The following FRYL variants were observed in gnomAD, a reference collection of about 807,000 sequenced individuals.
The protein encoded by FRYL is FRY like transcription coactivator, also known as protein furry homolog-like.
In FRYL, 150 loss-of-function variants were observed where a neutral mutation model predicts 351.2. The observed-to-expected ratio is 0.43, with a 90% confidence interval of 0.37 to 0.49. FRYL has a LOEUF of 0.49. Ranked by LOEUF, FRYL falls within the 20% of genes least tolerant of loss-of-function variation. The pLI is 0.00. For missense variants in FRYL, 3,036 were observed against 3,619.3 expected (o/e 0.84, Z 4.13); for synonymous variants, 1,153 against 1,257.1 (o/e 0.92, Z 1.75).
At chr4:48,774,706 C>T (rs1208755938) in intron 1 of FRYL, among the ~76,000 whole-genome samples, 12 of 152,014 alleles carry the variant, frequency 7.9e-5, no homozygotes, top group South Asian at 4.1e-4. Context: ...CCACCACACC[C>T]GGCTAATTTT....
At chr4:48,670,237 C>T (rs1204927094) in intron 3 of FRYL, among the ~76,000 whole-genome samples, 2 of 151,870 alleles carry the variant, frequency 1.3e-5, no homozygotes, top group African/African-American at 2.4e-5. Flanking sequence ...AGTTTGAGAT[C>T]AGTCTGGCCA....
At chr4:48,580,520 G>A (rs1286418919) in intron 22 of FRYL, 2 of 237,318 alleles carry the variant, frequency 8.4e-6, no homozygotes, top group Non-Finnish European at 1.6e-5. Flanking sequence ...TTTTTTTCCC[G>A]TAGCATTTTC....
At chr4:48,534,945 CTTTATTA>C (rs901384330) in intron 48 of FRYL, among the ~76,000 whole-genome samples, 7 of 152,216 alleles carry the variant, frequency 4.6e-5, no homozygotes, top group Admixed American at 3.9e-4. Context: ...GTAGGTATTA[CTTTATTA>C]TAAACTGACA....
At chr4:48,526,569 G>C (rs1726277332) in intron 53 of FRYL, among the ~76,000 whole-genome samples, 1 of 152,156 alleles carries the variant, frequency 6.6e-6, no homozygotes, top group South Asian at 2.1e-4. Flanking sequence ...TTCAAACACT[G>C]CTGTGTGTGG....
At chr4:48,674,373 G>T (rs886358099) in intron 3 of FRYL, among the ~76,000 whole-genome samples, 1 of 152,038 alleles carries the variant, frequency 6.6e-6, no homozygotes. Context: ...CAAAAAAACA[G>T]TCTAAGGATA....
chr4:48,628,283 A>G (rs138092064), intron 4 of FRYL, among the ~76,000 whole-genome samples: 103 of 152,322 alleles, frequency 6.8e-4, no homozygotes, highest in Non-Finnish European at 1.1e-3. Flanking sequence ...AGACTGATTT[A>G]AAACTATATA....
chr4:48,749,805 T>C (rs1057264831), intron 1 of FRYL, among the ~76,000 whole-genome samples: 2 of 152,088 alleles, frequency 1.3e-5, no homozygotes, highest in Non-Finnish European at 2.9e-5. Flanking sequence ...ATGTGGTCTG[T>C]GGCAATCCAA....
At chr4:48,653,810 CAGCAGCAGCAGCAGCAGCAGCAGA>C in intron 3 of FRYL, 2 of 302,108 alleles carry the variant, frequency 6.6e-6, no homozygotes, top group African/African-American at 9.8e-5. Flanking sequence ...GCTGCAAAAG[CAGCAGCAGCAGCAGCAGCAGCAGA>C]AGCAGAAGCA....
intron 7 of FRYL, among the ~76,000 whole-genome samples, chr4:48,614,605 T>C (rs1182298857): frequency 1.3e-5 from 2 of 149,094 alleles, no homozygotes; most frequent in African/African-American, 4.9e-5. Flanking sequence ...ACCTGTAATC[T>C]CAGCTTCTCG....
chr4:48,659,424 A>AGAAGAG lies in FRYL; in HGVS notation c.-80-24940_-80-24935dup, dbSNP rs1248046193. On this transcript the variant is annotated intron_variant, in intron 3 of 63. Coordinates refer to ENST00000358350, the MANE Select transcript of FRYL (RefSeq NM_015030.2). ...GAGAAGGAGAAGGAGAAGGAGAAGGAGAAGAGGAAGAGGAAGAGGAAGAGG... is the reference window on the plus strand; with the variant it reads ...GAGAAGGAGAAGGAGAAGGAGAAGGAGAAGAGGAAGAGGAAGAGGAAGAGGAAGAGG... 6.8e-4 allele frequency among the ~76,000 whole-genome samples: 2 copies of AGAAGAG among 2,938 alleles called. 1 individual carries two copies. The highest frequency in any genetic ancestry group is 7.1e-4 in the African/African-American group (2 of 2,816). The allele number at this position is 2,938 out of a possible 152,430, so 1.9% of individuals were successfully genotyped here.
chr4:48,671,867 A>ACAAAG (rs1762781102), intron 3 of FRYL, among the ~76,000 whole-genome samples: 3 of 126,930 alleles, frequency 2.4e-5, no homozygotes, highest in Non-Finnish European at 5.0e-5. Context: ...ACAAAAAAAA[A>ACAAAG]AAAAACAAAA....
intron 7 of FRYL, among the ~76,000 whole-genome samples, chr4:48,616,924 C>T (rs1333152621): frequency 6.6e-6 from 1 of 152,110 alleles, no homozygotes; most frequent in South Asian, 2.1e-4. Context: ...GTTATTCTGA[C>T]AGAAGAAAAT....
intron 53 of FRYL, 66 bp from the exon 54 acceptor site, chr4:48,523,170 T>C: frequency 1.8e-6 from 2 of 1,083,210 alleles, no homozygotes; most frequent in East Asian, 2.4e-5. Flanking sequence ...AAATGTAATA[T>C]ACCAGAAAAA....
Position 48,595,970 on chromosome 4 carries a change from G to C in FRYL, c.1066C>G (p.Leu356Val). The stretch of plus-strand genomic sequence containing the variant: ...CACAATAATCTATACAAAGATTCCA[G>C]TGCAACTCGAGACATTTTCGGATCT... Reference protein sequence around the residue: ...NKDPKMSRVALESLYRLLWVY... With the variant: ...NKDPKMSRVAVESLYRLLWVY... Residue 356 changes from leucine to valine, a missense_variant, in exon 14 of 64, where the codon CTG (leucine) becomes GTG (valine). Physicochemically the swap from Leu to Val is conservative, Grantham distance 32. This residue lies in a region of FRYL where 457 missense variants were observed against 566.6 expected (regional missense o/e 0.81). Transcript: ENST00000358350. 2.5e-6 allele frequency: 4 copies of C among 1,601,822 alleles called. No homozygotes were observed. Among genetic ancestry groups the C allele is most frequent in the Non-Finnish European group, 3.4e-6 (4 of 1,175,896 alleles).
rs1261696206 is a variant in FRYL, at chr4:48,501,737, GAAAT to G, written c.8482-8_8482-5del. 4 of 1,494,776 alleles carry G rather than the reference GAAAT, an allele frequency of 2.7e-6. No homozygotes were observed. The highest frequency in any genetic ancestry group is 1.7e-5 in the Admixed American group (1 of 58,418). 92.6% of individuals were successfully genotyped at this position (1,494,776 alleles called of 1,614,324 possible). On this transcript the variant is annotated splice_polypyrimidine_tract_variant and splice_region_variant and intron_variant, in intron 61 of 63. Transcript: ENST00000358350. ...ATCTTCGGCAGAGCTCCAATTCCTAGAAATAAATAACATTACATTAAATTTAGGT... is the reference window on the plus strand; with the variant it reads ...ATCTTCGGCAGAGCTCCAATTCCTAGAAATAACATTACATTAAATTTAGGT...
chr4:48,684,146 A>C (rs1198357795), intron 3 of FRYL, among the ~76,000 whole-genome samples: 1 of 152,190 alleles, frequency 6.6e-6, no homozygotes, highest in Non-Finnish European at 1.5e-5. Flanking sequence ...TTTTTCTCTG[A>C]TTTCCTTCAT....
At position 48,499,487 on chromosome 4, in the gene FRYL, C is replaced by T. The variant is rs758090129; in HGVS notation, c.8977G>A (p.Val2993Met). ...NLEIRESLRM[V>M]QSYQLLAQAK... The stretch of plus-strand genomic sequence containing the variant: ...TGTGCTAGAAGTTGGTATGATTGCA[C>T]CATGCGTAGAGACTCTCTTATTTCC... Residue 2993 changes from valine to methionine, a missense_variant, in exon 64 of 64, where the codon GTG becomes ATG. Val to Met is a conservative substitution (Grantham distance 21, BLOSUM62 1). This residue lies in a region of FRYL where 1,987 missense variants were observed against 2,311.7 expected (regional missense o/e 0.86). Coordinates refer to ENST00000358350, the MANE Select transcript of FRYL (RefSeq NM_015030.2). 10 of 1,613,744 alleles carry T rather than the reference C, an allele frequency of 6.2e-6. No individual in the cohort carries two copies. Among genetic ancestry groups the T allele is most frequent in the South Asian group, 1.1e-5 (1 of 91,088 alleles).
chr4:48,728,232 T>C (rs1265388465), intron 1 of FRYL, among the ~76,000 whole-genome samples: 2 of 152,084 alleles, frequency 1.3e-5, no homozygotes, highest in Non-Finnish European at 1.5e-5. Context: ...ATTAACATGC[T>C]AAGAGCTCTA....
At chr4:48,686,749 A>G (rs1765185590) in intron 2 of FRYL, among the ~76,000 whole-genome samples, 1 of 152,228 alleles carries the variant, frequency 6.6e-6, no homozygotes, top group African/African-American at 2.4e-5. Flanking sequence ...TTGCGCTCAG[A>G]CATAGCAAGT....
Sources: gnomAD v4.1 joint callset for allele counts (sites outside exome capture counted in the v4.1 genomes callset) on GRCh38, gnomAD v4.1.1 for gene constraint, gnomAD v4.1.1 regional missense constraint, MANE v1.5 for transcripts, NCBI Gene and HGNC (gene_info 2026-07-23, HGNC 2026-07-21) for gene names.